The following KLHL1 variants were observed in gnomAD, a reference collection of about 807,000 sequenced individuals.
KLHL1 encodes the protein kelch-like protein 1.
A neutral mutation model predicts 77.7 loss-of-function variants in KLHL1; 47 were observed. The observed-to-expected ratio is 0.60, with a 90% confidence interval of 0.48 to 0.77. The LOEUF (loss-of-function observed/expected upper bound fraction) is 0.77. Ranked by LOEUF, KLHL1 falls within the 30% of genes least tolerant of loss-of-function variation. KLHL1 has a pLI of 0.00. For synonymous variants in KLHL1, 360 were observed against 325.2 expected (o/e 1.11, Z -1.15); for missense variants, 925 against 910.8 (o/e 1.02, Z -0.20).
intron 4 of KLHL1, among the ~76,000 whole-genome samples, chr13:69,899,344 G>T (rs1881773987): frequency 6.6e-6 from 1 of 152,006 alleles, no homozygotes; most frequent in African/African-American, 2.4e-5. Context: ...AAGAATGCTG[G>T]GAAAAGAAAG....
chr13:69,728,994 A>G (rs1470650889), intron 8 of KLHL1, among the ~76,000 whole-genome samples: 9 of 152,100 alleles, frequency 5.9e-5, no homozygotes. Flanking sequence ...TCTGTTTGTG[A>G]GCTAAGAAAA....
chr13:69,978,092 C>T (rs1884599606), intron 1 of KLHL1, among the ~76,000 whole-genome samples: 1 of 152,120 alleles, frequency 6.6e-6, no homozygotes, highest in Admixed American at 6.5e-5. Context: ...AATATGGCCA[C>T]TTCTCAGCAT....
At chr13:69,778,792 C>CTTTTTTTTTTTTTTTT (rs1172258314) in intron 7 of KLHL1, among the ~76,000 whole-genome samples, 2 of 99,216 alleles carry the variant, frequency 2.0e-5, no homozygotes, top group Admixed American at 1.2e-4. Context: ...TATTCCCTCT[C>CTTTTTTTTTTTTTTTT]TTTTTTTTTT....
At chr13:69,860,113 AG>A (rs775586601) in intron 5 of KLHL1, among the ~76,000 whole-genome samples, 36 of 152,216 alleles carry the variant, frequency 2.4e-4, no homozygotes, top group Admixed American at 6.6e-4. Context: ...ACTTAATGAA[AG>A]GCTCATCCAC....
chr13:70,084,404 T>A (rs2137433650), intron 1 of KLHL1, among the ~76,000 whole-genome samples: 1 of 151,788 alleles, frequency 6.6e-6, no homozygotes, highest in African/African-American at 2.4e-5. Flanking sequence ...AAGCATGAAA[T>A]ATATTTCTGC....
intron 5 of KLHL1, among the ~76,000 whole-genome samples, chr13:69,881,445 C>T (rs1006963084): frequency 2.0e-5 from 3 of 152,100 alleles, no homozygotes; most frequent in African/African-American, 7.2e-5. Flanking sequence ...AGATAAGCCT[C>T]CCATTTCCCT....
chr13:69,901,459 A>AAAG (rs1881855000), intron 4 of KLHL1, among the ~76,000 whole-genome samples: 1 of 152,210 alleles, frequency 6.6e-6, no homozygotes, highest in African/African-American at 2.4e-5. Context: ...AGACAATTTG[A>AAAG]AAGAAGTGTC....
intron 1 of KLHL1, among the ~76,000 whole-genome samples, chr13:70,007,603 C>CT (rs1885435678): frequency 1.3e-5 from 2 of 149,328 alleles, no homozygotes; most frequent in African/African-American, 4.9e-5. Flanking sequence ...AAGGGAAATG[C>CT]TAAAAATAGT....
At chr13:70,076,635 A>C (rs925702532) in intron 1 of KLHL1, among the ~76,000 whole-genome samples, 33 of 152,034 alleles carry the variant, frequency 2.2e-4, no homozygotes, top group African/African-American at 7.5e-4. Context: ...AACAAAACAA[A>C]ATTTTGTAAG....
rs186574348 is a variant in KLHL1, at chr13:70,037,586, T to C, written c.498-61784A>G. On this transcript the variant is annotated intron_variant, in intron 1 of 10. Transcript: ENST00000377844. Reference sequence around the variant, plus strand: ...TAAATAACTTTTACCTTGGTATCTTTTTGTCTCTTCTTTAGTTTCTTTTTT... The same window carrying C: ...TAAATAACTTTTACCTTGGTATCTTCTTGTCTCTTCTTTAGTTTCTTTTTT... 1.3e-4 allele frequency among the ~76,000 whole-genome samples: 20 copies of C among 152,194 alleles called. No individual in the cohort carries two copies. In the East Asian group the frequency reaches 3.7e-3, roughly 28 times the overall value.
intron 8 of KLHL1, among the ~76,000 whole-genome samples, chr13:69,739,559 T>C (rs776560645): frequency 6.6e-6 from 1 of 152,130 alleles, no homozygotes; most frequent in Non-Finnish European, 1.5e-5. Context: ...GGAAAATTTA[T>C]TGAGCAAATG....
intron 1 of KLHL1, among the ~76,000 whole-genome samples, chr13:70,095,492 T>C (rs1887766761): frequency 1.3e-5 from 2 of 152,172 alleles, no homozygotes; most frequent in African/African-American, 4.8e-5. Context: ...ACTGGGCCAA[T>C]TGCTTGCCCA....
intron 6 of KLHL1, among the ~76,000 whole-genome samples, chr13:69,798,341 A>G (rs1877220637): frequency 6.6e-6 from 1 of 152,216 alleles, no homozygotes; most frequent in African/African-American, 2.4e-5. Flanking sequence ...GAACTAAATG[A>G]ACATAAACAC....
intron 9 of KLHL1, among the ~76,000 whole-genome samples, chr13:69,710,601 T>G (rs1875828148): frequency 2.6e-5 from 4 of 152,158 alleles, no homozygotes; most frequent in East Asian, 3.9e-4. Flanking sequence ...TTTAAATTGA[T>G]TTTTCTATAT....
At chr13:69,950,520 C>A (rs938721659) in intron 3 of KLHL1, among the ~76,000 whole-genome samples, 19 of 151,552 alleles carry the variant, frequency 1.3e-4, no homozygotes, top group Non-Finnish European at 2.5e-4. Context: ...GGAGTTTAAC[C>A]TAAAACAGCA....
chr13:69,761,261 A>C (rs1052264288), intron 7 of KLHL1, among the ~76,000 whole-genome samples: 5 of 152,208 alleles, frequency 3.3e-5, no homozygotes, highest in African/African-American at 1.2e-4. Flanking sequence ...CACAGAAAAC[A>C]GAAATTGAGA....
chr13:70,053,793 C>T (rs930241923), intron 1 of KLHL1, among the ~76,000 whole-genome samples: 5 of 152,024 alleles, frequency 3.3e-5, no homozygotes, highest in African/African-American at 1.2e-4. Flanking sequence ...GCTTTCCTTC[C>T]AAGCTAGTTT....
chr13:69,734,228 C>A (rs1176103868), intron 8 of KLHL1, among the ~76,000 whole-genome samples: 1 of 152,108 alleles, frequency 6.6e-6, no homozygotes, highest in African/African-American at 2.4e-5. Context: ...ATCTTTTGCT[C>A]CGACTTTCAC....
intron 4 of KLHL1, among the ~76,000 whole-genome samples, 181 bp downstream of exon 4, chr13:69,939,859 G>C (rs1883312666): frequency 6.6e-6 from 1 of 152,092 alleles, no homozygotes; most frequent in Non-Finnish European, 1.5e-5. Flanking sequence ...ATCCAGTATA[G>C]AATGTGTTTT....
Sources: gnomAD v4.1 joint callset for allele counts (sites outside exome capture counted in the v4.1 genomes callset) on GRCh38, gnomAD v4.1.1 for gene constraint, MANE v1.5 for transcripts, NCBI Gene and HGNC (gene_info 2026-07-23, HGNC 2026-07-21) for gene names.